Variants in CTNNA3 observed in about 807,000 individuals in gnomAD.
CTNNA3 encodes the protein catenin alpha 3.
Under a neutral mutation model 95.7 loss-of-function variants are expected in CTNNA3, and 76 were observed. The ratio of observed to expected loss-of-function variants is 0.79; its 90% CI spans 0.66 to 0.96. CTNNA3 has a LOEUF of 0.96. CTNNA3 is among the 40% of genes least tolerant of loss of function. CTNNA3 has a pLI of 0.00. For synonymous variants in CTNNA3, 431 were observed against 374.4 expected (o/e 1.15, Z -1.74); for missense variants, 1,191 against 1,089.8 (o/e 1.09, Z -1.31).
intron 5 of CTNNA3, among the ~76,000 whole-genome samples, chr10:67,366,074 G>C (rs563172450): frequency 3.2e-4 from 48 of 152,254 alleles, no homozygotes; most frequent in Middle Eastern, 3.4e-3. Context: ...GATGAAGCTG[G>C]AAACCATCAT....
chr10:67,253,874 C>A (rs1029400697), intron 5 of CTNNA3, among the ~76,000 whole-genome samples: 2 of 152,144 alleles, frequency 1.3e-5, no homozygotes, highest in South Asian at 4.1e-4. Flanking sequence ...CTCAAATACC[C>A]ATAGTTCCTT....
At chr10:67,421,151 T>C (rs373433406) in intron 5 of CTNNA3, among the ~76,000 whole-genome samples, 241 of 152,268 alleles carry the variant, frequency 1.6e-3, no homozygotes, top group Middle Eastern at 6.8e-3. Context: ...ATAAAATCTA[T>C]GGAGCATGCC....
intron 7 of CTNNA3, among the ~76,000 whole-genome samples, chr10:66,803,074 CTG>C (rs955586563): frequency 1.3e-5 from 2 of 151,940 alleles, no homozygotes; most frequent in African/African-American, 4.8e-5. Context: ...ACACATCAAA[CTG>C]TAACATTTAA....
chr10:67,430,565 A>T (rs1302207470), intron 5 of CTNNA3, among the ~76,000 whole-genome samples: 1 of 151,834 alleles, frequency 6.6e-6, no homozygotes, highest in African/African-American at 2.4e-5. Flanking sequence ...TACAAGGGAG[A>T]TGGAAGGAGA....
chr10:66,616,219 C>G (rs1844507715), intron 10 of CTNNA3, among the ~76,000 whole-genome samples: 1 of 152,052 alleles, frequency 6.6e-6, no homozygotes. Flanking sequence ...GTGCCCCCCA[C>G]AAAATACCTT....
chr10:66,166,904 A>G (rs189591981), intron 13 of CTNNA3, among the ~76,000 whole-genome samples: 148 of 152,242 alleles, frequency 9.7e-4, no homozygotes, highest in Middle Eastern at 3.4e-3. Context: ...AGTAAGGGAC[A>G]TTTCAGGAAG....
upstream of CTNNA3, among the ~76,000 whole-genome samples, chr10:67,699,929 G>A (rs557811536): frequency 4.6e-5 from 7 of 152,326 alleles, no homozygotes; most frequent in Admixed American, 1.3e-4. Context: ...CTAATACTGC[G>A]CTTTTCCGAT....
chr10:67,112,040 A>T (rs1858935109), intron 7 of CTNNA3, among the ~76,000 whole-genome samples: 1 of 152,150 alleles, frequency 6.6e-6, no homozygotes, highest in Admixed American at 6.5e-5. Flanking sequence ...ATGAGGCATG[A>T]AAAGCTATTA....
intron 1 of CTNNA3, among the ~76,000 whole-genome samples, chr10:67,721,467 A>G (rs1311355375): frequency 6.6e-6 from 1 of 151,972 alleles, no homozygotes; most frequent in Non-Finnish European, 1.5e-5. Context: ...ATACTTACGT[A>G]TGCTTCACAA....
At chr10:66,691,823 G>A (rs1159354474) in intron 9 of CTNNA3, among the ~76,000 whole-genome samples, 1 of 152,164 alleles carries the variant, frequency 6.6e-6, no homozygotes, top group Non-Finnish European at 1.5e-5. Flanking sequence ...CTGTTCTGCA[G>A]CCACCGCTGC....
intron 7 of CTNNA3, among the ~76,000 whole-genome samples, chr10:66,978,248 A>G (rs1359593248): frequency 6.6e-6 from 1 of 151,948 alleles, no homozygotes; most frequent in East Asian, 1.9e-4. Flanking sequence ...ATTGTGGGCC[A>G]AGTGCACTGG....
intron 7 of CTNNA3, among the ~76,000 whole-genome samples, chr10:66,938,542 T>C (rs1365972430): frequency 1.3e-5 from 2 of 152,178 alleles, no homozygotes; most frequent in Non-Finnish European, 2.9e-5. Flanking sequence ...GGCATCTTCA[T>C]GTTGAGTAGG....
At chr10:67,342,461 T>G (rs950368824) in intron 5 of CTNNA3, among the ~76,000 whole-genome samples, 2 of 152,184 alleles carry the variant, frequency 1.3e-5, no homozygotes, top group African/African-American at 4.8e-5. Flanking sequence ...CCATTTGTCC[T>G]GTTTTGTTTT....
Position 66,102,667 on chromosome 10 carries a change from A to AT in CTNNA3, c.1977+489dup, listed in dbSNP as rs555282942. Among the ~76,000 whole-genome samples the AT allele has an allele frequency of 1.9e-4, 29 of 152,170 alleles. No individual in the cohort carries two copies. The South Asian group carries it at 4.8e-3, about 25-fold the overall frequency. ...ATCTCAGAGTAATTCAGAAATTAGA[A>AT]TAACATATTTGGAGTTGTGTGGTGG... On this transcript the variant is annotated intron_variant, in intron 14 of 17. Transcript: ENST00000433211.
chr10:66,391,224 A>G (rs753317377), intron 11 of CTNNA3, among the ~76,000 whole-genome samples: 1 of 152,108 alleles, frequency 6.6e-6, no homozygotes, highest in Non-Finnish European at 1.5e-5. Flanking sequence ...ATAAAGTCCA[A>G]TATTGCTATT....
Position 66,915,222 on chromosome 10 carries a change from T to C in CTNNA3, c.1048-139698A>G, listed in dbSNP as rs181959668. On this transcript the variant is annotated intron_variant, in intron 7 of 17. Transcript: ENST00000433211. Reference sequence around the variant, plus strand: ...AAAAAAAAAAGCACGAACCAAAGTATATCTGTAAACAATTTCCGAATACCA... The same window carrying C: ...AAAAAAAAAAGCACGAACCAAAGTACATCTGTAAACAATTTCCGAATACCA... 5.3e-3 allele frequency among the ~76,000 whole-genome samples: 777 copies of C among 145,668 alleles called. 8 individuals are homozygous for C. Among genetic ancestry groups the C allele is most frequent in the African/African-American group, 0.019 (743 of 39,834 alleles).
chr10:67,437,667 A>T (rs866171875), intron 5 of CTNNA3, among the ~76,000 whole-genome samples: 2 of 152,174 alleles, frequency 1.3e-5, no homozygotes, highest in Middle Eastern at 3.4e-3. Flanking sequence ...TTTCTTAGTA[A>T]GAAAAAAAGA....
rs747167524 is a variant in CTNNA3, at chr10:66,621,865, T to G, written c.1282-81A>C. 2.2e-4 allele frequency: 144 copies of G among 653,612 alleles called. 3 individuals are homozygous for G. The Admixed American group carries it at 4.4e-3, about 20-fold the overall frequency. 40.5% of individuals were successfully genotyped at this position (653,612 alleles called of 1,614,324 possible). On this transcript the variant is annotated intron_variant, in intron 9 of 17. Coordinates refer to ENST00000433211, the MANE Select transcript of CTNNA3 (RefSeq NM_013266.4). Reference sequence around the variant, plus strand: ...AACACTTATACTGAACAAGAACATGTACACATTCATCAAGAATCTCAATGA... The same window carrying G: ...AACACTTATACTGAACAAGAACATGGACACATTCATCAAGAATCTCAATGA...
chr10:67,710,353 G>A (rs1203298296), intron 1 of CTNNA3, among the ~76,000 whole-genome samples: 1 of 152,184 alleles, frequency 6.6e-6, no homozygotes, highest in Non-Finnish European at 1.5e-5. Flanking sequence ...CACAGGACCA[G>A]ACCATATCCT....
Sources: allele counts gnomAD v4.1 joint callset (sites outside exome capture counted in the v4.1 genomes callset), GRCh38; gene constraint gnomAD v4.1.1; transcripts MANE v1.5; gene names NCBI Gene and HGNC (gene_info 2026-07-23, HGNC 2026-07-21).